APBB2: variants seen among roughly 807,000 people sequenced by gnomAD.
APBB2 encodes the protein amyloid beta precursor protein binding family B member 2, also known as Fe65-like 1.
Under a neutral mutation model 82.5 loss-of-function variants are expected in APBB2, and 38 were observed. That is an observed-to-expected ratio of 0.46 (90% CI 0.36 to 0.60). The LOEUF is 0.60. Ranked by LOEUF, APBB2 falls within the 20% of genes least tolerant of loss-of-function variation. APBB2 has a pLI of 0.00. For synonymous variants in APBB2, 341 were observed against 368.2 expected (o/e 0.93, Z 0.85); for missense variants, 772 against 972.3 (o/e 0.79, Z 2.74).
chr4:41,026,126 G>A (rs1714095224), intron 5 of APBB2, among the ~76,000 whole-genome samples: 1 of 152,062 alleles, frequency 6.6e-6, no homozygotes, highest in Non-Finnish European at 1.5e-5. Context: ...TCTCTTATAA[G>A]TGGGAGCTAA....
chr4:41,000,677 C>T (rs1472501700), intron 6 of APBB2, among the ~76,000 whole-genome samples: 3 of 152,148 alleles, frequency 2.0e-5, no homozygotes, highest in East Asian at 1.9e-4. Context: ...ATATAAGAGA[C>T]ATTCATGGAC....
rs575908324 is a variant in APBB2 at position 41,062,670 on chromosome 4, T to C, written c.-51+2906A>G. ...GAAGGGCATTTCAGGCAATGTGTTA[T>C]GCAGATGTGTGCCCCCGGAAAAGCA... On this transcript the variant is annotated intron_variant, in intron 4 of 17. Transcript: ENST00000508593. 3.9e-5 allele frequency among the ~76,000 whole-genome samples: 6 copies of C among 152,266 alleles called. No homozygotes were observed. The South Asian group carries it at 1.0e-3, about 26-fold the overall frequency.
intron 12 of APBB2, among the ~76,000 whole-genome samples, chr4:40,865,367 C>T (rs1216887372): frequency 6.6e-6 from 1 of 152,142 alleles, no homozygotes; most frequent in Non-Finnish European, 1.5e-5. Flanking sequence ...CAAGCTGAAA[C>T]AGATACTAAA....
chr4:41,031,404 G>T (rs1716742916), intron 5 of APBB2, among the ~76,000 whole-genome samples: 1 of 152,136 alleles, frequency 6.6e-6, no homozygotes, highest in African/African-American at 2.4e-5. Context: ...GAAAAAAATG[G>T]CTGGAATAGG....
At chr4:41,141,980 T>C (rs1759354147) in intron 2 of APBB2, among the ~76,000 whole-genome samples, 1 of 152,202 alleles carries the variant, frequency 6.6e-6, no homozygotes, top group Non-Finnish European at 1.5e-5. Context: ...GCCACGCTTA[T>C]GTTACATGCC....
intron 13 of APBB2, among the ~76,000 whole-genome samples, chr4:40,827,817 C>T (rs1250104170): frequency 1.3e-5 from 2 of 152,170 alleles, no homozygotes; most frequent in African/African-American, 2.4e-5. Flanking sequence ...AGAAATGTCC[C>T]CTGCTGACAT....
chr4:41,026,785 T>A (rs7689612), intron 5 of APBB2, among the ~76,000 whole-genome samples: 6,975 of 152,324 alleles, frequency 0.046, 343 homozygotes, highest in African/African-American at 0.12. Flanking sequence ...AACACTCATA[T>A]ACAAGTTTTT....
chr4:41,066,544 T>C (rs766184664), intron 3 of APBB2, among the ~76,000 whole-genome samples: 1 of 152,138 alleles, frequency 6.6e-6, no homozygotes, highest in Non-Finnish European at 1.5e-5. Flanking sequence ...TTGAGATTCA[T>C]ATCAAGCATG....
At chr4:40,936,602 C>G (rs1008872173) in intron 7 of APBB2, among the ~76,000 whole-genome samples, 1 of 152,212 alleles carries the variant, frequency 6.6e-6, no homozygotes, top group Non-Finnish European at 1.5e-5. Context: ...AGAGCAAAGA[C>G]ACTTCAAATT....
At chr4:41,170,599 G>A (rs1767980129) in intron 1 of APBB2, among the ~76,000 whole-genome samples, 2 of 152,168 alleles carry the variant, frequency 1.3e-5, no homozygotes, top group Admixed American at 6.6e-5. Flanking sequence ...GGTTATGAAA[G>A]ACCAAGAAAG....
At chr4:40,864,076 G>A (rs1352364664) in intron 12 of APBB2, among the ~76,000 whole-genome samples, 4 of 151,922 alleles carry the variant, frequency 2.6e-5, no homozygotes, top group Non-Finnish European at 5.9e-5. Flanking sequence ...AGCCAACATA[G>A]TGAAACCCCA....
chr4:41,017,498 A>G (rs1810332345), intron 5 of APBB2, among the ~76,000 whole-genome samples: 1 of 152,236 alleles, frequency 6.6e-6, no homozygotes. Context: ...CTCAGGGTCA[A>G]GGAGAGAAAG....
intron 2 of APBB2, among the ~76,000 whole-genome samples, chr4:41,141,332 CTGTGTGTG>C (rs112919629): frequency 9.2e-6 from 1 of 108,116 alleles, no homozygotes; most frequent in African/African-American, 2.9e-5. Context: ...GTGTGTGTGT[CTGTGTGTG>C]TGTGTGTCTG....
At chr4:40,940,718 T>C (rs1786659901) in intron 7 of APBB2, among the ~76,000 whole-genome samples, 2 of 152,202 alleles carry the variant, frequency 1.3e-5, no homozygotes, top group Admixed American at 1.3e-4. Context: ...ACAATTCATT[T>C]TCTCGAGCTT....
At chr4:40,984,266 A>T (rs1404124103) in intron 6 of APBB2, among the ~76,000 whole-genome samples, 1 of 152,156 alleles carries the variant, frequency 6.6e-6, no homozygotes, top group African/African-American at 2.4e-5. Context: ...CAGTGTCTGG[A>T]TCGTTAACAT....
intron 10 of APBB2, among the ~76,000 whole-genome samples, chr4:40,901,056 A>G (rs4546287): frequency 0.039 from 5,872 of 152,210 alleles, 368 homozygotes; most frequent in African/African-American, 0.13. Context: ...GGGGCCCAGC[A>G]CAGTGTGGCT....
intron 4 of APBB2, among the ~76,000 whole-genome samples, chr4:41,049,550 G>A (rs1297015143): frequency 6.7e-6 from 1 of 150,194 alleles, no homozygotes; most frequent in South Asian, 2.1e-4. Context: ...GTCCGGGAGG[G>A]AGGTGGGGGG....
At chr4:40,857,041 C>T in intron 12 of APBB2, 1 of 985,590 alleles carries the variant, frequency 1.0e-6, no homozygotes, top group African/African-American at 1.7e-5. Flanking sequence ...CCTCCCGGTC[C>T]TTCCGAAGTC....
chr4:41,190,241 A>ATTT (rs1160837303), intron 1 of APBB2, among the ~76,000 whole-genome samples: 1,749 of 71,788 alleles, frequency 0.024, 470 homozygotes, highest in African/African-American at 0.092. Context: ...TACATAGGCT[A>ATTT]TTTTTTTTTT....
Sources: gnomAD v4.1 joint callset for allele counts (sites outside exome capture counted in the v4.1 genomes callset) on GRCh38, gnomAD v4.1.1 for gene constraint, MANE v1.5 for transcripts, NCBI Gene and HGNC (gene_info 2026-07-23, HGNC 2026-07-21) for gene names.